The following MTCL3 variants were observed in gnomAD, a reference collection of about 807,000 sequenced individuals.
The protein encoded by MTCL3 is microtubule cross-linking factor 3.
At chr6:127,515,767 C>T in the MTCL3 span, 3 of 1,604,306 alleles carry the variant, frequency 1.9e-6, no homozygotes, top group Non-Finnish European at 2.5e-6. This position sits in a 1 kb window ranked among gnomAD's most constrained non-coding sequence, Gnocchi z 4.3. Context: ...GCTGCCGCCG[C>T]CGTTCTTAGC....
the MTCL3 span, chr6:127,475,167 C>T: frequency 4.1e-6 from 4 of 978,988 alleles, no homozygotes; most frequent in East Asian, 2.8e-5. This position sits in a 1 kb window ranked among gnomAD's most constrained non-coding sequence, Gnocchi z 7.3. Flanking sequence ...CAGGCCCCAG[C>T]GCGGCCCTGA....
At chr6:127,474,111 G>A in the MTCL3 span, among the ~76,000 whole-genome samples, 2 of 151,632 alleles carry the variant, frequency 1.3e-5, no homozygotes, top group Admixed American at 6.6e-5. Flanking sequence ...ACAACTGAGA[G>A]TGATTTTCTC....
the MTCL3 span, among the ~76,000 whole-genome samples, chr6:127,502,443 T>G: frequency 3.9e-5 from 6 of 152,162 alleles, no homozygotes; most frequent in Non-Finnish European, 7.3e-5. Context: ...TGTGAGCTAG[T>G]GGATCCTGAA....
the MTCL3 span, among the ~76,000 whole-genome samples, chr6:127,480,499 G>C: frequency 2.6e-5 from 4 of 152,186 alleles, no homozygotes; most frequent in South Asian, 2.1e-4. Flanking sequence ...ATGAATAATA[G>C]AGAGTTGGAC....
chr6:127,513,590 T>A, the MTCL3 span, among the ~76,000 whole-genome samples: 1 of 152,224 alleles, frequency 6.6e-6, no homozygotes, highest in Non-Finnish European at 1.5e-5. Context: ...TAGGAAAGTT[T>A]TAGTCCTTGA....
the MTCL3 span, among the ~76,000 whole-genome samples, chr6:127,482,193 C>G: frequency 1.1e-4 from 17 of 152,246 alleles, no homozygotes; most frequent in Non-Finnish European, 2.2e-4. The surrounding 1 kb of genome is among the most constrained non-coding windows in gnomAD (Gnocchi z 4.1). Context: ...ACTCTATGGG[C>G]TCGCCCTGAA....
the MTCL3 span, among the ~76,000 whole-genome samples, chr6:127,474,773 C>T: frequency 6.6e-6 from 1 of 152,032 alleles, no homozygotes; most frequent in African/African-American, 2.4e-5. Flanking sequence ...AGAGACGGAT[C>T]TTGCCTTGCT....
At chr6:127,489,744 A>G in the MTCL3 span, among the ~76,000 whole-genome samples, 1 of 152,280 alleles carries the variant, frequency 6.6e-6, no homozygotes, top group South Asian at 2.1e-4. Context: ...GAGGTGAGGA[A>G]GCTGCAGAAG....
the MTCL3 span, among the ~76,000 whole-genome samples, chr6:127,481,680 C>T: frequency 6.6e-6 from 1 of 152,120 alleles, no homozygotes; most frequent in East Asian, 1.9e-4. Flanking sequence ...TAGATTCCAA[C>T]TGACATAGTT....
chr6:127,508,133 A>C, the MTCL3 span, among the ~76,000 whole-genome samples: 1 of 152,188 alleles, frequency 6.6e-6, no homozygotes, highest in African/African-American at 2.4e-5. Flanking sequence ...ACCAGGGGAA[A>C]ATATTTGCAA....
chr6:127,478,747 G>A, the MTCL3 span, among the ~76,000 whole-genome samples: 4 of 151,996 alleles, frequency 2.6e-5, no homozygotes, highest in East Asian at 1.9e-4. Context: ...GGCCAGGCGC[G>A]GTCACTCATG....
chr6:127,499,487 GA>G, the MTCL3 span, among the ~76,000 whole-genome samples: 1 of 152,056 alleles, frequency 6.6e-6, no homozygotes, highest in African/African-American at 2.4e-5. Flanking sequence ...ACAAAGCAAA[GA>G]AAATGCTAAG....
At chr6:127,506,851 T>C in the MTCL3 span, among the ~76,000 whole-genome samples, 1 of 152,074 alleles carries the variant, frequency 6.6e-6, no homozygotes, top group Non-Finnish European at 1.5e-5. Context: ...AGTGCTGGGA[T>C]TACAGGCATG....
At chr6:127,514,951 C>G in the MTCL3 span, 1 of 1,614,186 alleles carries the variant, frequency 6.2e-7, no homozygotes, top group African/African-American at 1.3e-5. Context: ...TTGGCTCTCT[C>G]CAACTCGTGG....
the MTCL3 span, among the ~76,000 whole-genome samples, chr6:127,485,900 T>C: frequency 6.6e-6 from 1 of 152,120 alleles, no homozygotes; most frequent in South Asian, 2.1e-4. Flanking sequence ...GAACTGACTT[T>C]TGAAGGATAT....
At chr6:127,485,533 C>T in the MTCL3 span, among the ~76,000 whole-genome samples, 19 of 152,172 alleles carry the variant, frequency 1.2e-4, no homozygotes, top group Middle Eastern at 3.4e-3. Flanking sequence ...TAGAGATATA[C>T]AAAGACACAA....
chr6:127,512,417 A>G, the MTCL3 span, among the ~76,000 whole-genome samples: 2 of 152,228 alleles, frequency 1.3e-5, no homozygotes, highest in African/African-American at 4.8e-5. Flanking sequence ...CATTGCGGGA[A>G]GGGCTGGCTT....
At chr6:127,507,803 A>G in the MTCL3 span, among the ~76,000 whole-genome samples, 9,318 of 140,424 alleles carry the variant, frequency 0.066, 353 homozygotes, top group East Asian at 0.11. Flanking sequence ...AGATTGCACC[A>G]CTGCACTCCA....
chr6:127,515,874 C>G, the MTCL3 span: 1 of 1,611,796 alleles, frequency 6.2e-7, no homozygotes, highest in Non-Finnish European at 8.5e-7. This position sits in a 1 kb window ranked among gnomAD's most constrained non-coding sequence, Gnocchi z 4.3. Flanking sequence ...TCCAGTAGCT[C>G]CCTCCACCAC....
Sources: allele counts gnomAD v4.1 joint callset (sites outside exome capture counted in the v4.1 genomes callset), GRCh38; gene constraint gnomAD v4.1.1; non-coding constraint Gnocchi (gnomAD v3.1); transcripts MANE v1.5; gene names NCBI Gene and HGNC (gene_info 2026-07-23, HGNC 2026-07-21).